EPHA5: variants seen among roughly 807,000 people sequenced by gnomAD.
EPHA5 encodes the protein ephrin type-A receptor 5.
Under a neutral mutation model 105.0 loss-of-function variants are expected in EPHA5, and 60 were observed. The observed-to-expected ratio is 0.57, with a 90% confidence interval of 0.46 to 0.71. The LOEUF is 0.71. EPHA5 is among the 30% of genes least tolerant of loss of function. The pLI is 0.00. For missense variants in EPHA5, 1,218 were observed against 1,274.7 expected, an observed-to-expected ratio of 0.96 and a Z score of 0.68; for synonymous variants, 513 against 449.1, an observed-to-expected ratio of 1.14 and a Z score of -1.80.
chr4:65,414,195 A>T (rs1210772528), intron 7 of EPHA5, 89 bp downstream of exon 7: 20 of 1,152,896 alleles, frequency 1.7e-5, no homozygotes, highest in Admixed American at 3.5e-5. Flanking sequence ...AGTGAGACTG[A>T]CAGAGTGCCC....
chr4:65,513,907 G>C (rs1315299810), intron 3 of EPHA5, among the ~76,000 whole-genome samples: 4 of 151,798 alleles, frequency 2.6e-5, no homozygotes, highest in African/African-American at 9.7e-5. Context: ...GTATAACTTT[G>C]TACAGTCCTT....
chr4:65,355,254 C>A (rs1723191541), intron 11 of EPHA5, among the ~76,000 whole-genome samples: 1 of 151,458 alleles, frequency 6.6e-6, no homozygotes, highest in African/African-American at 2.4e-5. Flanking sequence ...GATGAGGTGA[C>A]AAATACTGAC....
intron 5 of EPHA5, among the ~76,000 whole-genome samples, chr4:65,480,231 T>C (rs1214537158): frequency 7.9e-5 from 12 of 152,182 alleles, no homozygotes; most frequent in Admixed American, 7.9e-4. Context: ...ATTTAATAAA[T>C]TATAGGTAGA....
At chr4:65,516,415 G>C (rs1011686221) in intron 3 of EPHA5, among the ~76,000 whole-genome samples, 6 of 143,152 alleles carry the variant, frequency 4.2e-5, no homozygotes, top group Non-Finnish European at 9.2e-5. Flanking sequence ...AGGCTGAGAA[G>C]GATGAAGAGG....
At chr4:65,645,836 G>A (rs920951187) in intron 1 of EPHA5, among the ~76,000 whole-genome samples, 2 of 151,988 alleles carry the variant, frequency 1.3e-5, no homozygotes, top group African/African-American at 4.8e-5. Flanking sequence ...ATACATGTAT[G>A]TATCTTCCCA....
Position 65,351,379 on chromosome 4 carries a change from T to C in EPHA5, c.2445+10A>G, listed in dbSNP as rs1235699893. ...TCTAGTGTTTAGAAATGCACTCTGT[T>C]AGATCTTACCCTTGTGGTGTAGGCT... On this transcript the variant is annotated intron_variant, in intron 13 of 16. Coordinates refer to ENST00000613740, the MANE Select transcript of EPHA5 (RefSeq NM_001281766.3). The C allele has an allele frequency of 3.1e-6, 5 of 1,612,896 alleles. No individual in the cohort carries two copies. Among genetic ancestry groups the C allele is most frequent in the Non-Finnish European group, 4.2e-6 (5 of 1,179,244 alleles).
chr4:65,570,192 A>G (rs1382538715), intron 3 of EPHA5, among the ~76,000 whole-genome samples: 1 of 151,840 alleles, frequency 6.6e-6, no homozygotes, highest in African/African-American at 2.4e-5. Context: ...TATACTCCTA[A>G]CTACACTCAC....
intron 3 of EPHA5, among the ~76,000 whole-genome samples, chr4:65,522,776 C>T (rs986488663): frequency 2.6e-5 from 4 of 151,970 alleles, no homozygotes; most frequent in Non-Finnish European, 5.9e-5. Context: ...GTGATCTGTC[C>T]TTCATGAGCT....
intron 5 of EPHA5, among the ~76,000 whole-genome samples, chr4:65,447,962 C>A (rs2149100413): frequency 6.6e-6 from 1 of 152,080 alleles, no homozygotes; most frequent in East Asian, 1.9e-4. Context: ...AAAGACACAA[C>A]AATGACCAAT....
At chr4:65,421,537 C>T (rs1385163399) in intron 5 of EPHA5, among the ~76,000 whole-genome samples, 1 of 152,110 alleles carries the variant, frequency 6.6e-6, no homozygotes. Flanking sequence ...CCCATTATCA[C>T]TACATATGTT....
intron 3 of EPHA5, among the ~76,000 whole-genome samples, chr4:65,566,500 C>T (rs771009448): frequency 2.2e-4 from 34 of 151,686 alleles, no homozygotes; most frequent in Admixed American, 9.9e-4. Flanking sequence ...ATCAATTTCA[C>T]GCCCTTTCTT....
intron 5 of EPHA5, among the ~76,000 whole-genome samples, chr4:65,427,892 T>G (rs910790298): frequency 5.3e-5 from 8 of 152,204 alleles, no homozygotes; most frequent in African/African-American, 9.6e-5. Context: ...TCTTTCAGTA[T>G]TTATCTTTAC....
rs567612155 is a variant in EPHA5 at position 65,554,371 on chromosome 4, A to G, written c.910+47270T>C. Among the ~76,000 whole-genome samples the G allele has an allele frequency of 2.9e-3, 436 of 151,066 alleles. 1 individual carries two copies. The highest frequency in any genetic ancestry group is 9.5e-3 in the African/African-American group (392 of 41,388). ...TAATTTTGGCTAATCTATTTGAAAT[A>G]TAAATACTATTCAGCTACACTTTAT... On this transcript the variant is annotated intron_variant, in intron 3 of 16. Coordinates refer to ENST00000613740, the MANE Select transcript of EPHA5 (RefSeq NM_001281766.3).
At chr4:65,457,262 T>G (rs1428997406) in intron 5 of EPHA5, among the ~76,000 whole-genome samples, 2 of 152,176 alleles carry the variant, frequency 1.3e-5, no homozygotes, top group Non-Finnish European at 2.9e-5. Flanking sequence ...AGTCTTCTAC[T>G]TAGGCTTCTA....
chr4:65,339,717 C>T (rs1721524109), intron 14 of EPHA5, among the ~76,000 whole-genome samples: 3 of 152,084 alleles, frequency 2.0e-5, no homozygotes, highest in African/African-American at 4.8e-5. Context: ...GGAGCCTATC[C>T]CAGCAGCTCA....
At chr4:65,515,884 AAGG>A (rs1158532415) in intron 3 of EPHA5, among the ~76,000 whole-genome samples, 1 of 152,092 alleles carries the variant, frequency 6.6e-6, no homozygotes, top group Non-Finnish European at 1.5e-5. Context: ...ATAGAACAAA[AAGG>A]AGGAGAAAGG....
intron 5 of EPHA5, among the ~76,000 whole-genome samples, chr4:65,483,805 C>A (rs140462281): frequency 1.6e-3 from 239 of 152,038 alleles, no homozygotes; most frequent in African/African-American, 5.4e-3. Context: ...ATCTCAGTGG[C>A]CCCTGAAGTC....
chr4:65,623,062 G>T (rs1745843356), intron 2 of EPHA5, among the ~76,000 whole-genome samples: 1 of 152,042 alleles, frequency 6.6e-6, no homozygotes, highest in Admixed American at 6.6e-5. Flanking sequence ...AAAGTTAGCA[G>T]TCCCATATTA....
In EPHA5 at chr4:65,492,448, C is replaced by T. The variant is rs928508527; in HGVS notation, c.1067-1736G>A. Among the ~76,000 whole-genome samples the T allele has an allele frequency of 1.1e-4, 17 of 151,328 alleles. 1 individual carries two copies. The highest frequency in any genetic ancestry group is 6.8e-3 in the Middle Eastern group (2 of 292). The stretch of plus-strand genomic sequence containing the variant: ...AACTCCTGGCCTCAAGTGATCCACC[C>T]GCCTGGGCCTCCCACAGTGCTGAGA... On this transcript the variant is annotated intron_variant, in intron 4 of 16. Coordinates refer to ENST00000613740, the MANE Select transcript of EPHA5 (RefSeq NM_001281766.3).
Sources: gnomAD v4.1 joint callset for allele counts (sites outside exome capture counted in the v4.1 genomes callset) on GRCh38, gnomAD v4.1.1 for gene constraint, MANE v1.5 for transcripts, NCBI Gene and HGNC (gene_info 2026-07-23, HGNC 2026-07-21) for gene names.